B3GAT2: variants seen among roughly 807,000 people sequenced by gnomAD.
B3GAT2 encodes galactosylgalactosylxylosylprotein 3-beta-glucuronosyltransferase 2.
A neutral mutation model predicts 27.8 loss-of-function variants in B3GAT2; 26 were observed. The ratio of observed to expected loss-of-function variants is 0.93; its 90% CI spans 0.68 to 1.30. The LOEUF is 1.30. Ranked by LOEUF, B3GAT2 falls within the 50% of genes most tolerant of loss-of-function variation. The pLI is 0.00. For synonymous variants in B3GAT2, 218 were observed against 195.1 expected (o/e 1.12, Z -0.98); for missense variants, 458 against 459.0 (o/e 1.00, Z 0.02).
chr6:70,932,852 A>G (rs1276860875), intron 1 of B3GAT2, among the ~76,000 whole-genome samples: 1 of 152,132 alleles, frequency 6.6e-6, no homozygotes, highest in Non-Finnish European at 1.5e-5. Flanking sequence ...TCCAGGCTGG[A>G]GTGTAGTGGT....
chr6:70,877,506 C>A (rs982855511), intron 2 of B3GAT2, among the ~76,000 whole-genome samples: 1 of 152,150 alleles, frequency 6.6e-6, no homozygotes, highest in Non-Finnish European at 1.5e-5. Context: ...GTAACCTGTA[C>A]GCTCTCCTCT....
chr6:70,918,244 A>G, intron 1 of B3GAT2, among the ~76,000 whole-genome samples: 1 of 151,430 alleles, frequency 6.6e-6, no homozygotes, highest in Non-Finnish European at 1.5e-5. Context: ...TTTGCTTTCC[A>G]TTTGCTTGGT....
At chr6:70,881,902 C>T (rs1277587112) in intron 2 of B3GAT2, among the ~76,000 whole-genome samples, 2 of 152,158 alleles carry the variant, frequency 1.3e-5, no homozygotes, top group Non-Finnish European at 2.9e-5. Flanking sequence ...CTTCATTGTA[C>T]ATGTCCTTTT....
intron 1 of B3GAT2, among the ~76,000 whole-genome samples, chr6:70,900,179 G>C (rs1160473912): frequency 6.6e-6 from 1 of 152,156 alleles, no homozygotes; most frequent in Non-Finnish European, 1.5e-5. Context: ...GGCTTGCATA[G>C]CAATGTTAAT....
intron 2 of B3GAT2, among the ~76,000 whole-genome samples, chr6:70,879,412 CT>C (rs949307342): frequency 3.3e-5 from 5 of 152,292 alleles, no homozygotes; most frequent in South Asian, 2.1e-4. Flanking sequence ...AGTTTTCCCC[CT>C]GACCCCCTGT....
chr6:70,890,375 G>C (rs1772267853), intron 2 of B3GAT2, among the ~76,000 whole-genome samples: 1 of 152,072 alleles, frequency 6.6e-6, no homozygotes. Flanking sequence ...CTGGTCCACA[G>C]GACTCCAGAC....
chr6:70,876,094 T>C (rs1201014559), intron 2 of B3GAT2, among the ~76,000 whole-genome samples: 1 of 152,236 alleles, frequency 6.6e-6, no homozygotes, highest in African/African-American at 2.4e-5. Context: ...CAGAGTTTAC[T>C]TGTATATGCT....
At chr6:70,925,903 G>A (rs758188822) in intron 1 of B3GAT2, among the ~76,000 whole-genome samples, 8 of 152,184 alleles carry the variant, frequency 5.3e-5, no homozygotes, top group Non-Finnish European at 1.2e-4. Context: ...AGTAGGGGCC[G>A]ACTGACACGT....
rs111764051 is a variant in B3GAT2, at chr6:70,865,252, G to A, written c.737-3274C>T. 4.1e-3 allele frequency among the ~76,000 whole-genome samples: 625 copies of A among 152,106 alleles called. 2 individuals are homozygous for A. Among genetic ancestry groups the A allele is most frequent in the African/African-American group, 0.014 (599 of 41,490 alleles). ...AGTGATTCTCCTGCCTCAGCCTCCCGAGTAGCTGGGACTACAGACGTGGGC... is the reference window on the plus strand; with the variant it reads ...AGTGATTCTCCTGCCTCAGCCTCCCAAGTAGCTGGGACTACAGACGTGGGC... On this transcript the variant is annotated intron_variant, in intron 2 of 3. Coordinates refer to ENST00000230053, the MANE Select transcript of B3GAT2 (RefSeq NM_080742.3).
chr6:70,862,052 G>C, intron 2 of B3GAT2, 74 bp from the exon 3 acceptor site: 2 of 1,422,056 alleles, frequency 1.4e-6, no homozygotes. Flanking sequence ...TATAATTTTG[G>C]TCACATCAAA....
Position 70,860,137 on chromosome 6 carries a change from T to TAAAG in B3GAT2, c.*1522_*1525dup, listed in dbSNP as rs1452225607. On this transcript the variant is annotated 3_prime_UTR_variant, in exon 4 of 4. Transcript: ENST00000230053. ...ATGAAAAAATGACCAACTGTGTGGC[T>TAAAG]AAAGAAACAAGAATTAAAAGTGAAG... 8.6e-6 allele frequency: 13 copies of TAAAG among 1,505,398 alleles called. No individual in the cohort carries two copies. The highest frequency in any genetic ancestry group is 1.1e-5 in the Non-Finnish European group (12 of 1,126,450). 93.3% of individuals were successfully genotyped at this position (1,505,398 alleles called of 1,614,324 possible). A position where few individuals can be genotyped will look rare whatever the true frequency, so the allele number is the denominator to read the frequency against.
intron 1 of B3GAT2, among the ~76,000 whole-genome samples, chr6:70,936,884 G>C (rs1285839426): frequency 1.3e-5 from 2 of 151,872 alleles, no homozygotes; most frequent in Non-Finnish European, 2.9e-5. Flanking sequence ...GCTAGCAGAA[G>C]GCAAGAAATA....
chr6:70,883,843 C>T (rs947394490), intron 2 of B3GAT2, among the ~76,000 whole-genome samples: 1 of 151,882 alleles, frequency 6.6e-6, no homozygotes, highest in African/African-American at 2.4e-5. Flanking sequence ...TTAAAATATT[C>T]CTGTCCTATG....
In B3GAT2 at chr6:70,861,731, G is replaced by A. The variant is rs149616588; in HGVS notation, c.904C>T (p.Arg302Trp). 9 of 1,613,952 alleles carry A rather than the reference G, an allele frequency of 5.6e-6. No homozygotes were observed. Among genetic ancestry groups the A allele is most frequent in the East Asian group, 4.5e-5 (2 of 44,882 alleles). ...NCTKVLVWHT[R>W]TEKVNLANEP... Reference sequence around the variant, plus strand: ...TTGGCTAGATTAACCTTCTCTGTCCGAGTGTGCCACACGAGAACCTGAAGG... The same window carrying A: ...TTGGCTAGATTAACCTTCTCTGTCCAAGTGTGCCACACGAGAACCTGAAGG... Residue 302 changes from arginine to tryptophan, a missense_variant, in exon 4 of 4, where the codon CGG becomes TGG. By Grantham distance (101) the Arg-to-Trp change is moderately radical. Coordinates refer to ENST00000230053, the MANE Select transcript of B3GAT2 (RefSeq NM_080742.3).
chr6:70,859,202 C>G lies in B3GAT2; in HGVS notation c.*2461G>C, dbSNP rs1411158586. On this transcript the variant is annotated 3_prime_UTR_variant, in exon 4 of 4. Coordinates refer to ENST00000230053, the MANE Select transcript of B3GAT2 (RefSeq NM_080742.3). ...ATATAGGTAAAACATTGGTCTCTAC[C>G]CGCTGGGAATCTAAAAAATTGTATG... is the stretch of plus-strand genomic sequence containing the variant. 1.7e-6 allele frequency: 1 copy of G among 598,228 alleles called. No individual in the cohort carries two copies. Among genetic ancestry groups the G allele is most frequent in the East Asian group, 2.9e-5 (1 of 34,560 alleles). 37.1% of individuals were successfully genotyped at this position (598,228 alleles called of 1,614,324 possible). A position where few individuals can be genotyped will look rare whatever the true frequency, so the allele number is the denominator to read the frequency against.
chr6:70,864,904 T>C (rs1452187567), intron 2 of B3GAT2, among the ~76,000 whole-genome samples: 2 of 151,952 alleles, frequency 1.3e-5, no homozygotes, highest in Admixed American at 6.6e-5. Flanking sequence ...ACGAAAGTCA[T>C]GGGAGTAGGA....
intron 1 of B3GAT2, among the ~76,000 whole-genome samples, chr6:70,907,616 G>A (rs377231156): frequency 1.4e-4 from 22 of 152,274 alleles, no homozygotes; most frequent in South Asian, 6.2e-4. Flanking sequence ...GACTGATGAC[G>A]GATTTATGCA....
At chr6:70,940,530 T>C (rs1216871848) in intron 1 of B3GAT2, among the ~76,000 whole-genome samples, 4 of 152,164 alleles carry the variant, frequency 2.6e-5, no homozygotes, top group African/African-American at 9.7e-5. Context: ...CTTTGTAACA[T>C]ACTATCTCTT....
rs1052271774 is a variant in B3GAT2 at position 70,911,016 on chromosome 6, AT to A, written c.592-16745del. ...TTCATTTACTTTAGCTACTTTAAAA[AT>A]TTTTTTTTCTTGTAAACTTGTTTAA... On this transcript the variant is annotated intron_variant, in intron 1 of 3. Transcript: ENST00000230053. 8.6e-4 allele frequency among the ~76,000 whole-genome samples: 130 copies of A among 150,998 alleles called. 2 individuals are homozygous for A. Among genetic ancestry groups the A allele is most frequent in the African/African-American group, 2.3e-3 (96 of 41,296 alleles).
Sources: allele counts gnomAD v4.1 joint callset (sites outside exome capture counted in the v4.1 genomes callset), GRCh38; gene constraint gnomAD v4.1.1; transcripts MANE v1.5; gene names NCBI Gene and HGNC (gene_info 2026-07-23, HGNC 2026-07-21).